Variants in FUBP1 observed in about 807,000 individuals in gnomAD.
The protein encoded by FUBP1 is far upstream element binding protein 1.
A neutral mutation model predicts 94.9 loss-of-function variants in FUBP1; 16 were observed. The observed-to-expected ratio is 0.17, with a 90% CI of 0.11 to 0.26. FUBP1 has a LOEUF of 0.26. Among genes scored for constraint, FUBP1 ranks in the 10% least tolerant of loss-of-function variants. The probability of loss-of-function intolerance (pLI) is 1.00; values close to 1 mark genes in which losing one functional copy is unlikely to be tolerated. For missense variants in FUBP1, 583 were observed against 808.6 expected, an observed-to-expected ratio of 0.72 and a Z score of 3.38; for synonymous variants, 279 against 254.9, an observed-to-expected ratio of 1.09 and a Z score of -0.90.
At chr1:77,977,041 C>A (rs1460426773) in intron 1 of FUBP1, among the ~76,000 whole-genome samples, 7 of 152,148 alleles carry the variant, frequency 4.6e-5, no homozygotes, top group Admixed American at 3.3e-4. Context: ...ATTGGGCATC[C>A]CCTCCTAACA....
chr1:77,945,054 C>G lies in FUBP1; in HGVS notation c.*3712G>C, dbSNP rs768253158. 1.3e-5 allele frequency among the ~76,000 whole-genome samples: 2 copies of G among 151,970 alleles called. No homozygotes were observed. Among genetic ancestry groups the G allele is most frequent in the African/African-American group, 2.4e-5 (1 of 41,428 alleles). On this transcript the variant is annotated 3_prime_UTR_variant, in exon 20 of 20. Coordinates refer to ENST00000370768, the MANE Select transcript of FUBP1 (RefSeq NM_003902.5). ...TCCAATGCATTCAAATCAACTGGCT[C>G]ACCTTTTCTGCTTTCCATTTATTTC...
chr1:77,962,921 G>C lies in FUBP1; in HGVS notation c.1193C>G (p.Thr398Ser), dbSNP rs2102376686. The part of the protein sequence containing the change: ...TGLIIGKGGE[T>S]IKSISQQSGA... ...AGACTGCTGGCTTATGCTTTTTATG[G>C]TTTCACCTCCTAAAATCAAAAGACA... The change falls in exon 14 of 20, where the codon ACC becomes AGC. Residue 398 changes from threonine (T) to serine (S), a missense_variant. Physicochemically the swap from Thr to Ser is moderately conservative, Grantham distance 58. Transcript: ENST00000370768. The C allele has an allele frequency of 6.2e-7, 1 of 1,610,454 alleles. No homozygotes were observed. Among genetic ancestry groups the C allele is most frequent in the Non-Finnish European group, 8.5e-7 (1 of 1,177,556 alleles).
At chr1:77,963,492 T>A (rs1430776350) in intron 13 of FUBP1, 82 bp downstream of exon 13, 3 of 720,370 alleles carry the variant, frequency 4.2e-6, no homozygotes, top group Admixed American at 2.7e-5. Flanking sequence ...GAAAAAGCAT[T>A]GCCACTTGTT....
chr1:77,957,557 T>A (rs776727511), intron 16 of FUBP1, among the ~76,000 whole-genome samples: 2 of 152,236 alleles, frequency 1.3e-5, no homozygotes, highest in Non-Finnish European at 2.9e-5. Flanking sequence ...AAAAACTTGA[T>A]TGTCTTTTAT....
Position 77,954,295 on chromosome 1 carries a change from GT to G in FUBP1, c.1780+959del, listed in dbSNP as rs550034362. Among the ~76,000 whole-genome samples, 12 of 152,290 alleles carry G rather than the reference GT, an allele frequency of 7.9e-5. 1 individual carries two copies. In the East Asian group the frequency reaches 1.2e-3, roughly 15 times the overall value. On this transcript the variant is annotated intron_variant, in intron 18 of 19. Transcript: ENST00000370768. ...TAACCAACCTTAATCAGAGTATGCTGTTTTTAAGTTAAAAGTTTCTTTTTGC... is the reference window on the plus strand; with the variant it reads ...TAACCAACCTTAATCAGAGTATGCTGTTTTAAGTTAAAAGTTTCTTTTTGC...
At chr1:77,949,098 T>C in intron 19 of FUBP1, 57 bp downstream of exon 19, 2 of 1,486,450 alleles carry the variant, frequency 1.3e-6, no homozygotes, top group Non-Finnish European at 9.4e-7. Flanking sequence ...AGACAAACAG[T>C]AAACATGCAG....
chr1:77,967,721 T>G, intron 3 of FUBP1, 55 bp from the exon 4 acceptor site: 2 of 1,035,524 alleles, frequency 1.9e-6, no homozygotes, highest in Non-Finnish European at 2.9e-6. Flanking sequence ...AATTTACTTA[T>G]ATATTTAACA....
chr1:77,975,896 G>T (rs1658505368), intron 1 of FUBP1, among the ~76,000 whole-genome samples: 1 of 151,938 alleles, frequency 6.6e-6, no homozygotes, highest in Admixed American at 6.6e-5. Context: ...AAGAAGATTG[G>T]CAACTAAATG....
chr1:77,968,819 A>G (rs1657000504), intron 2 of FUBP1, among the ~76,000 whole-genome samples: 1 of 152,124 alleles, frequency 6.6e-6, no homozygotes, highest in Non-Finnish European at 1.5e-5. Flanking sequence ...TACAATGCAT[A>G]CCTTGGAACA....
intron 16 of FUBP1, among the ~76,000 whole-genome samples, chr1:77,958,477 T>C (rs1239719373): frequency 6.6e-6 from 1 of 152,222 alleles, no homozygotes; most frequent in African/African-American, 2.4e-5. Context: ...TTTTAGTTCA[T>C]ATAATATTAA....
rs1168280399 is a variant in FUBP1, at chr1:77,962,947, G to C, written c.1184-17C>G. On this transcript the variant is annotated splice_polypyrimidine_tract_variant and intron_variant, in intron 13 of 19. Transcript: ENST00000370768. ...TTTCACCTCCTAAAATCAAAAGACAGTAATTTCTCTAAAGGTTTCAAGGGT... is the reference window on the plus strand; with the variant it reads ...TTTCACCTCCTAAAATCAAAAGACACTAATTTCTCTAAAGGTTTCAAGGGT... 6.3e-7 allele frequency: 1 copy of C among 1,599,252 alleles called. No homozygotes were observed.
At chr1:77,952,251 TA>T (rs953438516) in intron 18 of FUBP1, among the ~76,000 whole-genome samples, 15 of 149,770 alleles carry the variant, frequency 1.0e-4, no homozygotes, top group African/African-American at 2.4e-4. Flanking sequence ...AAAAATAAAA[TA>T]AAAAAAAATA....
intron 17 of FUBP1, among the ~76,000 whole-genome samples, chr1:77,955,820 G>T (rs1487207118): frequency 1.3e-5 from 2 of 152,082 alleles, no homozygotes; most frequent in Non-Finnish European, 2.9e-5. Context: ...TTACACCTCA[G>T]TAGCAACAAG....
Position 77,969,716 on chromosome 1 carries a change from CTTTTTTAAAAAA to C in FUBP1, c.211+197_211+208del, listed in dbSNP as rs1369107386. 1.1e-4 allele frequency among the ~76,000 whole-genome samples: 17 copies of C among 151,988 alleles called. No individual in the cohort carries two copies. The East Asian group carries it at 2.5e-3, about 22-fold the overall frequency. On this transcript the variant is annotated intron_variant, in intron 2 of 19. Coordinates refer to ENST00000370768, the MANE Select transcript of FUBP1 (RefSeq NM_003902.5). ...TTGTTTTCTATTAAGACAAAACTTC[CTTTTTTAAAAAA>C]TTTTTTAAAAAATTTCTTTCAAATT... is the stretch of plus-strand genomic sequence containing the variant.
At chr1:77,966,243 T>C (rs200496210) in intron 7 of FUBP1, among the ~76,000 whole-genome samples, 4 of 152,260 alleles carry the variant, frequency 2.6e-5, no homozygotes, top group East Asian at 3.9e-4. Flanking sequence ...ATTTTCTCAG[T>C]AAATAAGCTT....
At chr1:77,967,567 T>C in intron 4 of FUBP1, 60 bp downstream of exon 4, 2 of 1,346,854 alleles carry the variant, frequency 1.5e-6, no homozygotes, top group South Asian at 1.3e-5. Context: ...TGTGGTTGTG[T>C]TTTTACATAC....
rs755982442 is a variant in FUBP1 at position 77,979,036 on chromosome 1, C to G, written c.-32G>C. On this transcript the variant is annotated 5_prime_UTR_variant, in exon 1 of 20. Coordinates refer to ENST00000370768, the MANE Select transcript of FUBP1 (RefSeq NM_003902.5). ...ACTATAAGAGCCGCTGCCGCCTGTTCAGAGACTTCCTCTCAGCTAACAGCT... is the reference window on the plus strand; with the variant it reads ...ACTATAAGAGCCGCTGCCGCCTGTTGAGAGACTTCCTCTCAGCTAACAGCT... 1 of 1,578,432 alleles carries G rather than the reference C, an allele frequency of 6.3e-7. No homozygotes were observed. Among genetic ancestry groups the G allele is most frequent in the Non-Finnish European group, 8.6e-7 (1 of 1,156,916 alleles).
At chr1:77,961,292 A>G (rs926876427) in intron 14 of FUBP1, among the ~76,000 whole-genome samples, 2 of 152,198 alleles carry the variant, frequency 1.3e-5, no homozygotes, top group Admixed American at 1.3e-4. Flanking sequence ...CTAACACTAC[A>G]TTTTGTTGTA....
At chr1:77,968,279 C>A (rs1356680802) in intron 2 of FUBP1, 76 bp from the exon 3 acceptor site, 2 of 805,638 alleles carry the variant, frequency 2.5e-6, no homozygotes, top group African/African-American at 1.8e-5. Context: ...GAATAAATAA[C>A]AATATAAACA....
Sources: allele counts gnomAD v4.1 joint callset (sites outside exome capture counted in the v4.1 genomes callset), GRCh38; gene constraint gnomAD v4.1.1; transcripts MANE v1.5; gene names NCBI Gene and HGNC (gene_info 2026-07-23, HGNC 2026-07-21).